Variants in XKR9 observed in about 807,000 individuals in gnomAD.
XKR9 encodes XK related 9.
In XKR9, 32 loss-of-function variants were observed where a neutral mutation model predicts 32.0. The ratio of observed to expected loss-of-function variants is 1.00; its 90% confidence interval spans 0.76 to 1.34. XKR9 has a LOEUF of 1.34. XKR9 is among the 40% of genes most tolerant of loss of function. The pLI is 0.00. For synonymous variants in XKR9, 168 were observed against 143.4 expected (o/e 1.17, Z -1.22); for missense variants, 546 against 429.7 (o/e 1.27, Z -2.39).
At chr8:70,718,469 C>G (rs1225040075) in intron 4 of XKR9, among the ~76,000 whole-genome samples, 1 of 152,060 alleles carries the variant, frequency 6.6e-6, no homozygotes, top group Non-Finnish European at 1.5e-5. Flanking sequence ...CTCTTGTCCC[C>G]TTGCCCCTGA....
chr8:70,832,074 CT>C, the XKR9 span, among the ~76,000 whole-genome samples: 967 of 152,286 alleles, frequency 6.3e-3, 11 homozygotes, highest in African/African-American at 0.021. Context: ...AAGAGGTTTA[CT>C]TTAGCTTGAT....
At chr8:71,043,224 T>C in the XKR9 span, among the ~76,000 whole-genome samples, 1 of 152,100 alleles carries the variant, frequency 6.6e-6, no homozygotes, top group South Asian at 2.1e-4. Flanking sequence ...TCACAAGAAA[T>C]AGTGTAGAAT....
At chr8:70,832,685 A>G in the XKR9 span, among the ~76,000 whole-genome samples, 20 of 152,198 alleles carry the variant, frequency 1.3e-4, no homozygotes, top group African/African-American at 4.8e-4. Context: ...TTAATCCTCA[A>G]AACAACCCTG....
At chr8:71,000,868 A>G in the XKR9 span, among the ~76,000 whole-genome samples, 2 of 152,342 alleles carry the variant, frequency 1.3e-5, no homozygotes, top group East Asian at 1.9e-4. Context: ...AGCTTGGCAC[A>G]CTGCCTGCCC....
At chr8:70,682,639 C>G (rs1819121717) in intron 3 of XKR9, among the ~76,000 whole-genome samples, 1 of 147,010 alleles carries the variant, frequency 6.8e-6, no homozygotes, top group Non-Finnish European at 1.5e-5. Flanking sequence ...GACTAAGGTT[C>G]AATCTGCTTT....
chr8:70,974,853 C>T, the XKR9 span, among the ~76,000 whole-genome samples: 3 of 152,218 alleles, frequency 2.0e-5, no homozygotes, highest in Non-Finnish European at 4.4e-5. Context: ...TACACTCCCA[C>T]CAACAGTGTA....
chr8:71,011,114 G>C, the XKR9 span, among the ~76,000 whole-genome samples: 1 of 152,148 alleles, frequency 6.6e-6, no homozygotes, highest in African/African-American at 2.4e-5. Context: ...GTCTGTGTTT[G>C]ATCAAAATGA....
intron 2 of XKR9, among the ~76,000 whole-genome samples, chr8:70,757,928 C>T (rs578074552): frequency 2.2e-4 from 33 of 152,274 alleles, no homozygotes; most frequent in Middle Eastern, 6.8e-3. Context: ...AACTATTTTT[C>T]TGTTAAATCT....
chr8:70,915,077 T>A, the XKR9 span, among the ~76,000 whole-genome samples: 1 of 152,004 alleles, frequency 6.6e-6, no homozygotes, highest in African/African-American at 2.4e-5. Flanking sequence ...TGAAGTGGGT[T>A]CTTCTTGCTG....
the XKR9 span, among the ~76,000 whole-genome samples, chr8:70,967,373 C>A: frequency 6.6e-6 from 1 of 152,026 alleles, no homozygotes; most frequent in Admixed American, 6.5e-5. Context: ...CTGGCCGGGT[C>A]TTGACTCTTT....
chr8:71,048,747 T>C, the XKR9 span, among the ~76,000 whole-genome samples: 2 of 152,340 alleles, frequency 1.3e-5, no homozygotes, highest in African/African-American at 4.8e-5. Context: ...TCTTTATTTA[T>C]AATAAGTGAA....
At chr8:70,865,482 A>C in the XKR9 span, among the ~76,000 whole-genome samples, 1 of 151,662 alleles carries the variant, frequency 6.6e-6, no homozygotes, top group African/African-American at 2.4e-5. Context: ...AAAAAAGTGG[A>C]AAAATAAAAT....
chr8:71,048,539 C>T, the XKR9 span, among the ~76,000 whole-genome samples: 7 of 152,170 alleles, frequency 4.6e-5, no homozygotes, highest in African/African-American at 1.7e-4. Flanking sequence ...AGTTATGAGG[C>T]ATTTGATAAT....
the XKR9 span, among the ~76,000 whole-genome samples, chr8:70,821,943 T>A: frequency 6.6e-6 from 1 of 152,236 alleles, no homozygotes; most frequent in African/African-American, 2.4e-5. Context: ...TCATTACTTA[T>A]GCAAATTTCT....
At chr8:70,990,743 G>C in the XKR9 span, among the ~76,000 whole-genome samples, 1 of 126,162 alleles carries the variant, frequency 7.9e-6, no homozygotes, top group Non-Finnish European at 1.7e-5. Flanking sequence ...AAGAGAGAGA[G>C]AGAGAGAGAG....
the XKR9 span, among the ~76,000 whole-genome samples, chr8:70,851,044 G>T: frequency 6.6e-6 from 1 of 152,136 alleles, no homozygotes; most frequent in Admixed American, 6.5e-5. Flanking sequence ...CATCGTCTCA[G>T]CCCAAAAACT....
At chr8:70,872,463 G>A in the XKR9 span, among the ~76,000 whole-genome samples, 7 of 152,212 alleles carry the variant, frequency 4.6e-5, no homozygotes, top group African/African-American at 1.7e-4. Flanking sequence ...TGTAGAATCT[G>A]CAACAAGTTA....
the XKR9 span, among the ~76,000 whole-genome samples, chr8:70,825,209 G>A: frequency 5.3e-5 from 8 of 151,948 alleles, no homozygotes; most frequent in African/African-American, 1.9e-4. Context: ...CTATCCCCCT[G>A]CACTTCACCT....
chr8:70,721,920 G>A (rs1231897375), intron 4 of XKR9, among the ~76,000 whole-genome samples: 8 of 152,162 alleles, frequency 5.3e-5, no homozygotes. Flanking sequence ...CACTGTTATT[G>A]TGTGGGAGTC....
Sources: allele counts gnomAD v4.1 joint callset (sites outside exome capture counted in the v4.1 genomes callset), GRCh38; gene constraint gnomAD v4.1.1; transcripts MANE v1.5; gene names NCBI Gene and HGNC (gene_info 2026-07-23, HGNC 2026-07-21).